Variants in ERBB4 observed in about 807,000 individuals in gnomAD.
The protein encoded by ERBB4 is erb-b2 receptor tyrosine kinase 4.
In ERBB4, 42 loss-of-function variants were observed where a neutral mutation model predicts 158.0. The observed-to-expected ratio is 0.27, with a 90% CI of 0.21 to 0.34. ERBB4 has a LOEUF of 0.34. ERBB4 is among the 10% of genes least tolerant of loss of function. The pLI is 1.00. For synonymous variants in ERBB4, 583 were observed against 558.7 expected (o/e 1.04, Z -0.61); for missense variants, 1,333 against 1,624.1 (o/e 0.82, Z 3.08).
intron 20 of ERBB4, among the ~76,000 whole-genome samples, chr2:211,458,703 A>G (rs1226637260): frequency 6.6e-6 from 1 of 152,196 alleles, no homozygotes. Context: ...GTACTCCATT[A>G]AAAAGGAAAT....
intron 3 of ERBB4, among the ~76,000 whole-genome samples, chr2:211,861,271 C>T (rs540030693): frequency 5.7e-4 from 79 of 138,620 alleles, no homozygotes; most frequent in Admixed American, 1.0e-3. Context: ...CTCAAGCACT[C>T]TACCTCAGCC....
At chr2:211,459,709 T>G (rs1169476939) in intron 20 of ERBB4, among the ~76,000 whole-genome samples, 1 of 152,190 alleles carries the variant, frequency 6.6e-6, no homozygotes, top group Non-Finnish European at 1.5e-5. Flanking sequence ...TCCCCAGCCA[T>G]GTGAAACTGT....
intron 2 of ERBB4, among the ~76,000 whole-genome samples, chr2:212,011,462 G>T (rs1459930592): frequency 6.6e-6 from 1 of 152,018 alleles, no homozygotes; most frequent in Non-Finnish European, 1.5e-5. Context: ...TTTTGGAAGA[G>T]CATTTCAGCT....
rs75791797 is a variant in ERBB4, at chr2:211,729,690, A to G, written c.623-4496T>C. Among the ~76,000 whole-genome samples the G allele has an allele frequency of 7.0e-3, 1,068 of 151,968 alleles. 5 individuals are homozygous for G. Among genetic ancestry groups the G allele is most frequent in the African/African-American group, 0.024 (992 of 41,532 alleles). On this transcript the variant is annotated intron_variant, in intron 5 of 27. Transcript: ENST00000342788. Reference sequence around the variant, plus strand: ...TCAAATTATACTCATATTTTATTACAATGGGGACACAAAACAAAAAATAAT... The same window carrying G: ...TCAAATTATACTCATATTTTATTACGATGGGGACACAAAACAAAAAATAAT...
At chr2:211,659,810 TGAA>T (rs1285058245) in intron 15 of ERBB4, among the ~76,000 whole-genome samples, 1 of 152,146 alleles carries the variant, frequency 6.6e-6, no homozygotes, top group Non-Finnish European at 1.5e-5. Context: ...ATGAATTTAA[TGAA>T]GGAGACAGAT....
chr2:211,910,295 T>C (rs1048706681), intron 3 of ERBB4, among the ~76,000 whole-genome samples: 55 of 151,352 alleles, frequency 3.6e-4, no homozygotes, highest in Admixed American at 2.4e-3. Context: ...TAAGTTAAAA[T>C]AGTTTTATCT....
rs150123431 is a variant in ERBB4, at chr2:212,404,879, A to G, written c.82+133570T>C. 4.2e-4 allele frequency among the ~76,000 whole-genome samples: 64 copies of G among 152,120 alleles called. 1 individual carries two copies. The East Asian group carries it at 0.012, about 29-fold the overall frequency. ...CACGAGTTCTCATCATTTAGCTCCC[A>G]CTTATAAGTGAAAACATGTGGTATT... On this transcript the variant is annotated intron_variant, in intron 1 of 27. Transcript: ENST00000342788.
At chr2:211,876,157 A>G (rs997003793) in intron 3 of ERBB4, among the ~76,000 whole-genome samples, 2 of 152,180 alleles carry the variant, frequency 1.3e-5, no homozygotes, top group Non-Finnish European at 1.5e-5. Context: ...TTTTTGATCA[A>G]GAAAAGTAGT....
At chr2:212,050,133 C>A (rs926769181) in intron 2 of ERBB4, among the ~76,000 whole-genome samples, 6 of 151,930 alleles carry the variant, frequency 3.9e-5, no homozygotes, top group African/African-American at 1.4e-4. Flanking sequence ...TAAAATGCAT[C>A]CTCATAGTTT....
At chr2:212,188,217 TCTCTCTCTCTCTCTCTCC>T (rs2082076062) in intron 1 of ERBB4, among the ~76,000 whole-genome samples, 4 of 32,016 alleles carry the variant, frequency 1.2e-4, no homozygotes, top group South Asian at 5.9e-3. Flanking sequence ...TCTCTCTCTC[TCTCTCTCTCTCTCTCTCC>T]CCCCCCCTCT....
intron 1 of ERBB4, among the ~76,000 whole-genome samples, chr2:212,428,287 A>C (rs538331849): frequency 7.2e-5 from 11 of 152,294 alleles, no homozygotes; most frequent in African/African-American, 2.6e-4. Flanking sequence ...ACAATGCTTT[A>C]ATTCATCTTT....
intron 19 of ERBB4, among the ~76,000 whole-genome samples, chr2:211,602,563 C>A (rs952431773): frequency 6.6e-6 from 1 of 152,120 alleles, no homozygotes; most frequent in Non-Finnish European, 1.5e-5. Flanking sequence ...AAAGTATGGA[C>A]CCCTTCAAGT....
At chr2:212,423,854 G>A (rs1343373938) in intron 1 of ERBB4, among the ~76,000 whole-genome samples, 1 of 152,092 alleles carries the variant, frequency 6.6e-6, no homozygotes, top group Non-Finnish European at 1.5e-5. Flanking sequence ...TTTATGATTT[G>A]AATTACTGAA....
At chr2:212,336,868 C>A (rs568747454) in intron 1 of ERBB4, among the ~76,000 whole-genome samples, 1 of 152,058 alleles carries the variant, frequency 6.6e-6, no homozygotes, top group East Asian at 1.9e-4. Flanking sequence ...CTGTGAGTGA[C>A]TTGAAGGTTC....
intron 1 of ERBB4, among the ~76,000 whole-genome samples, chr2:212,485,043 T>C (rs546092467): frequency 5.6e-4 from 86 of 152,226 alleles, no homozygotes; most frequent in Admixed American, 6.5e-4. Context: ...TATTTTATCC[T>C]AGAGGGAACA....
chr2:212,430,184 T>C (rs954382891), intron 1 of ERBB4, among the ~76,000 whole-genome samples: 13 of 152,232 alleles, frequency 8.5e-5, no homozygotes, highest in African/African-American at 3.1e-4. Context: ...CTTATACTTG[T>C]GTTTTATATA....
intron 1 of ERBB4, among the ~76,000 whole-genome samples, chr2:212,503,331 TTAAAA>T (rs898611882): frequency 2.0e-5 from 3 of 151,554 alleles, no homozygotes; most frequent in African/African-American, 7.3e-5. Flanking sequence ...CAGTTAAAAC[TTAAAA>T]TATATTTCCC....
At chr2:212,099,687 T>C (rs926280160) in intron 2 of ERBB4, among the ~76,000 whole-genome samples, 4 of 152,016 alleles carry the variant, frequency 2.6e-5, no homozygotes, top group African/African-American at 4.8e-5. Context: ...CAATGCCAAT[T>C]TAGAATTCTA....
chr2:211,997,172 G>C (rs1278609550), intron 2 of ERBB4, among the ~76,000 whole-genome samples: 1 of 152,080 alleles, frequency 6.6e-6, no homozygotes, highest in African/African-American at 2.4e-5. Context: ...GTAGATGAGT[G>C]TCTTTGTCCT....
Sources: gnomAD v4.1 joint callset for allele counts (sites outside exome capture counted in the v4.1 genomes callset) on GRCh38, gnomAD v4.1.1 for gene constraint, MANE v1.5 for transcripts, NCBI Gene and HGNC (gene_info 2026-07-23, HGNC 2026-07-21) for gene names.